The following TARS2 variants were observed in gnomAD, a reference collection of about 807,000 sequenced individuals.
TARS2 encodes the protein threonyl-tRNA synthetase 2, mitochondrial, also known as threonine--tRNA ligase, mitochondrial.
A neutral mutation model predicts 94.4 loss-of-function variants in TARS2; 61 were observed. The ratio of observed to expected loss-of-function variants is 0.65; its 90% CI spans 0.53 to 0.80. The LOEUF (loss-of-function observed/expected upper bound fraction) is 0.80, where lower values mean the gene tolerates loss of function less well. TARS2 is among the 30% of genes least tolerant of loss of function. The pLI, the probability that TARS2 is intolerant of heterozygous loss-of-function variation, is 0.00. For missense variants in TARS2, 704 were observed against 902.5 expected (o/e 0.78, Z 2.82); for synonymous variants, 359 against 353.4 (o/e 1.02, Z -0.18).
At position 150,502,237 on chromosome 1, in the gene TARS2, T is replaced by TC. The variant is rs397705442; in HGVS notation, c.1618-2094dup. 4.0e-5 allele frequency among the ~76,000 whole-genome samples: 6 copies of TC among 150,844 alleles called. No homozygotes were observed. In the Admixed American group the frequency reaches 4.0e-4, roughly 10 times the overall value. On this transcript the variant is annotated intron_variant, in intron 13 of 17. Coordinates refer to ENST00000369064, the MANE Select transcript of TARS2 (RefSeq NM_025150.5). ...AGCGTTTTTTTCGTTTTTGTTTTTT[T>TC]CCCCGAGACAGACTCTTGCTCTGTT...
chr1:150,498,858 C>T (rs374334164), intron 11 of TARS2, 39 bp from the exon 12 acceptor site: 154 of 1,613,272 alleles, frequency 9.5e-5, no homozygotes, highest in Non-Finnish European at 1.2e-4. Context: ...TGATCTCTAG[C>T]GGGCTCACAG....
In TARS2 at chr1:150,506,907, TACC is replaced by T. The variant is rs1401205888; in HGVS notation, c.2009-8_2009-6del. On this transcript the variant is annotated splice_polypyrimidine_tract_variant and splice_region_variant and intron_variant, in intron 17 of 17. Transcript: ENST00000369064. The stretch of plus-strand genomic sequence containing the variant: ...TGCCCTGAGGTTCCCAAACTTCCTC[TACC>T]TGCAGTGGTTGGCCAGAAAGAGCAA... 1.2e-6 allele frequency: 2 copies of T among 1,613,896 alleles called. No individual in the cohort carries two copies. Among genetic ancestry groups the T allele is most frequent in the African/African-American group, 2.7e-5 (2 of 74,900 alleles).
chr1:150,499,140 T>C (rs587654871), intron 12 of TARS2, 76 bp from the exon 13 acceptor site: 2 of 1,609,436 alleles, frequency 1.2e-6, no homozygotes, highest in East Asian at 2.2e-5. Flanking sequence ...AGTGGGTCAT[T>C]TGTTGGGGAC....
chr1:150,497,597 A>C lies in TARS2; in HGVS notation c.1088A>C (p.Glu363Ala). The change falls in exon 10 of 18, where the codon GAA becomes GCA. Residue 363 changes from glutamate to alanine, a missense_variant. Around this residue, in one of 3 missense-constraint regions of TARS2, gnomAD observed 466 missense variants for 609.5 expected, o/e 0.76. Transcript: ENST00000369064. The part of the protein sequence containing the change: ...TPTLFSTKLW[E>A]QSGHWEHYQE... ...ACACTGTTTTCTACGAAGCTCTGGG[A>C]ACAGTCAGGGCACTGGGAGCATTAT... The C allele has an allele frequency of 6.2e-7, 1 of 1,614,132 alleles. No individual in the cohort carries two copies. The highest frequency in any genetic ancestry group is 8.5e-7 in the Non-Finnish European group (1 of 1,180,028).
At chr1:150,488,378 G>C in intron 2 of TARS2, 1 of 219,860 alleles carries the variant, frequency 4.5e-6, no homozygotes, top group Non-Finnish European at 9.0e-6. Context: ...CAGAGTCTCT[G>C]TCCTTTCATT....
intron 13 of TARS2, among the ~76,000 whole-genome samples, chr1:150,500,492 C>T (rs1669865421): frequency 6.6e-6 from 1 of 152,136 alleles, no homozygotes; most frequent in East Asian, 1.9e-4. Flanking sequence ...ACTCAGTAGC[C>T]TGAGGCAGGA....
chr1:150,494,905 G>A (rs1669587078), intron 7 of TARS2, among the ~76,000 whole-genome samples: 1 of 152,158 alleles, frequency 6.6e-6, no homozygotes, highest in East Asian at 1.9e-4. Context: ...GGTGTGGCCG[G>A]GCGCAGTGGC....
At chr1:150,506,229 C>G (rs1409533676) in intron 17 of TARS2, among the ~76,000 whole-genome samples, 2 of 152,100 alleles carry the variant, frequency 1.3e-5, no homozygotes, top group Non-Finnish European at 2.9e-5. Flanking sequence ...CCAGAGCAAG[C>G]TGTGCTGCAA....
At chr1:150,503,730 T>C (rs1191897625) in intron 13 of TARS2, among the ~76,000 whole-genome samples, 5 of 149,888 alleles carry the variant, frequency 3.3e-5, no homozygotes, top group South Asian at 2.1e-4. Flanking sequence ...CACACACATA[T>C]ACACACACAT....
intron 7 of TARS2, among the ~76,000 whole-genome samples, chr1:150,492,750 T>C (rs1235300102): frequency 2.8e-5 from 4 of 141,602 alleles, no homozygotes; most frequent in Non-Finnish European, 1.5e-5. Context: ...GCGGAGGTTG[T>C]AGTGAGCCGA....
intron 17 of TARS2, among the ~76,000 whole-genome samples, chr1:150,506,586 C>CA (rs1670232528): frequency 6.6e-6 from 1 of 151,052 alleles, no homozygotes; most frequent in Non-Finnish European, 1.5e-5. Context: ...CACACACACA[C>CA]ACACACACAC....
Position 150,489,015 on chromosome 1 carries a change from T to C in TARS2, c.315T>C (p.Tyr105=), listed in dbSNP as rs1482929718. 3.1e-6 allele frequency: 5 copies of C among 1,614,120 alleles called. No individual in the cohort carries two copies. The African/African-American group carries it at 6.7e-5, about 22-fold the overall frequency. ...CTGCTCAAGTGAATGGAGAACCTTA[T>C]GATCTGGAGCGGCCCTTGGAGACAG... ...AVAAQVNGEP[Y]DLERPLETDS... The change falls in exon 3 of 18, where the codon TAT becomes TAC. Residue 105 remains tyrosine, a synonymous_variant. Transcript: ENST00000369064.
intron 4 of TARS2, 61 bp from the exon 5 acceptor site, chr1:150,491,333 T>C: frequency 6.5e-7 from 1 of 1,546,828 alleles, no homozygotes; most frequent in Admixed American, 1.7e-5. Flanking sequence ...CCAACAGGTG[T>C]GTCACCCAGG....
chr1:150,503,567 G>A (rs1210807160), intron 13 of TARS2, among the ~76,000 whole-genome samples: 10 of 98,160 alleles, frequency 1.0e-4, no homozygotes, highest in African/African-American at 3.9e-4. Context: ...GTGTGTGTGT[G>A]TGTGTGTGTG....
intron 9 of TARS2, among the ~76,000 whole-genome samples, chr1:150,497,260 G>A (rs1398873853): frequency 2.6e-5 from 4 of 152,096 alleles, no homozygotes; most frequent in African/African-American, 4.8e-5. Context: ...ACTCCAGCCT[G>A]TGTGATACAG....
rs1445182849 is a variant in TARS2, at chr1:150,504,656, A to G, written c.1743A>G (p.Pro581=). The G allele has an allele frequency of 1.2e-6, 2 of 1,612,784 alleles. No individual in the cohort carries two copies. The highest frequency in any genetic ancestry group is 2.7e-5 in the African/African-American group (2 of 74,782). The part of the protein sequence containing the change: ...YKGQAGALER[P]VLIHRAVLGS... ...GGCAGGCGGGTGCCCTGGAGCGTCC[A>G]GTCCTCATTCACCGAGCAGTGCTCG... The change falls in exon 15 of 18, where the codon CCA becomes CCG. Residue 581 remains proline (P), a synonymous_variant. Coordinates refer to ENST00000369064, the MANE Select transcript of TARS2 (RefSeq NM_025150.5).
chr1:150,490,548 A>G (rs1471443632), intron 3 of TARS2, 53 bp from the exon 4 acceptor site: 32 of 1,579,380 alleles, frequency 2.0e-5, no homozygotes, highest in Middle Eastern at 1.7e-4. Flanking sequence ...TCAGAGATCT[A>G]GGGGTTAAGG....
intron 11 of TARS2, 68 bp downstream of exon 11, chr1:150,498,732 C>A: frequency 6.2e-7 from 1 of 1,608,714 alleles, no homozygotes. Flanking sequence ...AACCTGCAAA[C>A]CCCTGATCTT....
At chr1:150,499,154 CCGG>C in intron 12 of TARS2, 59 bp from the exon 13 acceptor site, 1 of 1,610,426 alleles carries the variant, frequency 6.2e-7, no homozygotes, top group Admixed American at 1.7e-5. Flanking sequence ...TGGGGACTGA[CCGG>C]ATGTGTTGCT....
Sources: gnomAD v4.1 joint callset for allele counts (sites outside exome capture counted in the v4.1 genomes callset) on GRCh38, gnomAD v4.1.1 for gene constraint, gnomAD v4.1.1 regional missense constraint, MANE v1.5 for transcripts, NCBI Gene and HGNC (gene_info 2026-07-23, HGNC 2026-07-21) for gene names.